AHI1: variants seen among roughly 807,000 people sequenced by gnomAD.
The protein encoded by AHI1 is Abelson helper integration site 1.
Under a neutral mutation model 149.3 loss-of-function variants are expected in AHI1, and 123 were observed. The observed-to-expected ratio is 0.82, with a 90% CI of 0.71 to 0.96. The LOEUF (loss-of-function observed/expected upper bound fraction) is 0.96. Among genes scored for constraint, AHI1 ranks in the 40% least tolerant of loss-of-function variants. The probability of loss-of-function intolerance (pLI) is 0.00; values close to 1 mark genes in which losing one functional copy is unlikely to be tolerated. For missense variants in AHI1, 1,439 were observed against 1,422.7 expected (o/e 1.01, Z -0.18); for synonymous variants, 475 against 459.8 (o/e 1.03, Z -0.42).
chr6:135,453,959 T>C (rs531582425), intron 10 of AHI1, among the ~76,000 whole-genome samples: 66 of 152,224 alleles, frequency 4.3e-4, no homozygotes, highest in African/African-American at 1.5e-3. Flanking sequence ...GCCACAGAGA[T>C]CGTATTCTAG....
intron 22 of AHI1, among the ~76,000 whole-genome samples, chr6:135,398,059 T>TTTTG (rs59324273): frequency 0.21 from 1,200 of 5,720 alleles, 20 homozygotes; most frequent in African/African-American, 0.27. Flanking sequence ...ACCCAGGATG[T>TTTTG]TTTTTTTTTT....
chr6:135,495,589 C>T (rs1183947322), intron 3 of AHI1: 1 of 152,234 alleles, frequency 6.6e-6, no homozygotes, highest in African/African-American at 2.4e-5. Flanking sequence ...GTGCCTTAAT[C>T]TTTGTAGCTC....
intron 15 of AHI1, among the ~76,000 whole-genome samples, chr6:135,434,536 T>C (rs1785110956): frequency 6.6e-6 from 1 of 151,766 alleles, no homozygotes; most frequent in Non-Finnish European, 1.5e-5. Context: ...CAGGCAGAAA[T>C]GAAGCAAATA....
At chr6:135,296,900 C>CT (rs1320418332) in intron 27 of AHI1, among the ~76,000 whole-genome samples, 2 of 152,218 alleles carry the variant, frequency 1.3e-5, no homozygotes, top group African/African-American at 4.8e-5. Context: ...TATTACGTGT[C>CT]TGTCTTCCTT....
At chr6:135,413,552 C>G (rs546062746) in intron 20 of AHI1, among the ~76,000 whole-genome samples, 1 of 151,758 alleles carries the variant, frequency 6.6e-6, no homozygotes, top group Non-Finnish European at 1.5e-5. Context: ...GTGAGGCACA[C>G]AGGCAGCAAA....
chr6:135,469,045 T>C (rs1791272135), intron 5 of AHI1, among the ~76,000 whole-genome samples: 1 of 152,046 alleles, frequency 6.6e-6, no homozygotes. Flanking sequence ...CTGGCAGAGA[T>C]GCAACAAAGA....
At chr6:135,293,206 A>G (rs1782578870) in intron 27 of AHI1, among the ~76,000 whole-genome samples, 1 of 151,876 alleles carries the variant, frequency 6.6e-6, no homozygotes, top group African/African-American at 2.4e-5. Context: ...CCTGACAAAA[A>G]CTCTTAGGAA....
intron 2 of AHI1, among the ~76,000 whole-genome samples, chr6:135,496,727 T>C (rs868500212): frequency 2.0e-5 from 3 of 152,152 alleles, no homozygotes; most frequent in Non-Finnish European, 1.5e-5. Flanking sequence ...CTTAACCAAA[T>C]GTTATCGCAA....
rs1321987275 is a variant in AHI1, at chr6:135,492,263, G to C, written c.-26C>G. The C allele has an allele frequency of 6.5e-7, 1 of 1,536,640 alleles. No homozygotes were observed. The highest frequency in any genetic ancestry group is 8.8e-7 in the Non-Finnish European group (1 of 1,139,142). On this transcript the variant is annotated 5_prime_UTR_variant, in exon 4 of 29. Transcript: ENST00000265602. ...CTCTCAGCTTTATGCAGAGGACTGA[G>C]AATGCAAAGCATTGACTCAATCAGG... is the stretch of plus-strand genomic sequence containing the variant.
chr6:135,299,908 T>C (rs1783635182), intron 27 of AHI1, among the ~76,000 whole-genome samples: 2 of 152,302 alleles, frequency 1.3e-5, no homozygotes, highest in South Asian at 2.1e-4. Flanking sequence ...TATTTCAAAA[T>C]AGTACTCAAA....
chr6:135,433,354 G>A, intron 15 of AHI1, 98 bp from the exon 16 acceptor site: 3 of 782,758 alleles, frequency 3.8e-6, no homozygotes, highest in Non-Finnish European at 4.0e-6. Context: ...CCTTAAGCAA[G>A]CAAGTGACAA....
chr6:135,364,289 C>A (rs1199724711), intron 23 of AHI1, among the ~76,000 whole-genome samples: 6 of 145,678 alleles, frequency 4.1e-5, no homozygotes. Context: ...ACATCTCAGA[C>A]GATGGGCGGC....
chr6:135,306,942 G>C (rs1247042040), intron 26 of AHI1: 1 of 152,126 alleles, frequency 6.6e-6, no homozygotes, highest in African/African-American at 2.4e-5. Flanking sequence ...CAAACTGAAG[G>C]GTCATTGGGT....
At chr6:135,451,487 T>C (rs182674837) in intron 11 of AHI1, among the ~76,000 whole-genome samples, 9 of 152,176 alleles carry the variant, frequency 5.9e-5, no homozygotes, top group African/African-American at 2.2e-4. Flanking sequence ...GGACTAAAAA[T>C]GTTCAACATA....
rs1583526456 is a variant in AHI1, at chr6:135,494,058, G to A, written c.-55+1756C>T. The stretch of plus-strand genomic sequence containing the variant: ...ATTTTAGAAAGATTAAATAACTAAT[G>A]AAGAGGCAGGAGAAAGAATCGGAGA... On this transcript the variant is annotated intron_variant, in intron 3 of 28. Coordinates refer to ENST00000265602, the MANE Select transcript of AHI1 (RefSeq NM_001134831.2). 3.3e-5 allele frequency among the ~76,000 whole-genome samples: 5 copies of A among 152,188 alleles called. No homozygotes were observed. The South Asian group carries it at 1.0e-3, about 32-fold the overall frequency.
In AHI1 at chr6:135,465,932, T is replaced by C; in HGVS notation, c.631A>G (p.Lys211Glu). The change falls in exon 7 of 29, where the codon AAA becomes GAA. Residue 211 changes from lysine (K) to glutamate (E), a missense_variant. Transcript: ENST00000265602. ...AAGTAAGTCAACTGTTCTTTCAGTT[T>C]CTTTCTTATTTTCCTCTTAATCTCC... ...AKEIKRKIRK[K>E]LKEQLTYFPS... The C allele has an allele frequency of 1.2e-6, 2 of 1,606,782 alleles. No individual in the cohort carries two copies. Among genetic ancestry groups the C allele is most frequent in the South Asian group, 1.1e-5 (1 of 88,642 alleles).
chr6:135,490,093 G>T, intron 5 of AHI1: 2 of 697,656 alleles, frequency 2.9e-6, no homozygotes, highest in Non-Finnish European at 5.3e-6. Context: ...GTAGTTAGTT[G>T]CTGATTTGCT....
At chr6:135,394,115 C>T (rs1484258879) in intron 23 of AHI1, among the ~76,000 whole-genome samples, 1 of 151,890 alleles carries the variant, frequency 6.6e-6, no homozygotes, top group African/African-American at 2.4e-5. Flanking sequence ...TTTCAGCTTT[C>T]TTACCTTTCT....
intron 21 of AHI1, among the ~76,000 whole-genome samples, chr6:135,410,193 CCT>C (rs1781381846): frequency 6.6e-6 from 1 of 151,944 alleles, no homozygotes; most frequent in Non-Finnish European, 1.5e-5. Flanking sequence ...ATACCAAGAC[CCT>C]GTCTCTACAA....
Sources: gnomAD v4.1 joint callset for allele counts (sites outside exome capture counted in the v4.1 genomes callset) on GRCh38, gnomAD v4.1.1 for gene constraint, MANE v1.5 for transcripts, NCBI Gene and HGNC (gene_info 2026-07-23, HGNC 2026-07-21) for gene names.